Variants in HSD17B12 observed in about 807,000 individuals in gnomAD.
The protein encoded by HSD17B12 is very-long-chain 3-oxoacyl-CoA reductase.
A neutral mutation model predicts 39.3 loss-of-function variants in HSD17B12; 32 were observed. The ratio of observed to expected loss-of-function variants is 0.81; its 90% CI spans 0.61 to 1.09. The LOEUF is 1.09. HSD17B12 is among the 50% of genes least tolerant of loss of function. HSD17B12 has a pLI of 0.00. For synonymous variants in HSD17B12, 150 were observed against 146.7 expected, an observed-to-expected ratio of 1.02 and a Z score of -0.16; for missense variants, 342 against 382.9, an observed-to-expected ratio of 0.89 and a Z score of 0.89.
rs137952223 is a variant in HSD17B12 at position 43,687,925 on chromosome 11, C to T, written c.160+6938C>T. ...GTTAAAATTGCCTTTTTTAAAATGT[C>T]AATTGGCTGGGCGCAGTGGCTCATG... On this transcript the variant is annotated intron_variant, in intron 1 of 10. Transcript: ENST00000278353. Among the ~76,000 whole-genome samples, 80 of 152,202 alleles carry T rather than the reference C, an allele frequency of 5.3e-4. No individual in the cohort carries two copies. In the East Asian group the frequency reaches 0.014, roughly 27 times the overall value.
intron 1 of HSD17B12, chr11:43,733,819 G>C: frequency 1.4e-6 from 1 of 706,224 alleles, no homozygotes; most frequent in Admixed American, 1.8e-5. Context: ...CGTTGCAGGA[G>C]GTGTGGTAAA....
chr11:43,673,659 T>TTTTGTTTG, the HSD17B12 span, among the ~76,000 whole-genome samples: 13 of 148,962 alleles, frequency 8.7e-5, no homozygotes, highest in African/African-American at 2.2e-4. Context: ...GCCCAGCTAG[T>TTTTGTTTG]TTTGTTTGTT....
chr11:43,701,138 T>C (rs1949960037), intron 1 of HSD17B12, among the ~76,000 whole-genome samples: 1 of 152,250 alleles, frequency 6.6e-6, no homozygotes, highest in Non-Finnish European at 1.5e-5. Context: ...ATGTCTTCTT[T>C]TGAGAAATGT....
chr11:43,827,253 G>A (rs543070585), intron 6 of HSD17B12, among the ~76,000 whole-genome samples: 1 of 152,240 alleles, frequency 6.6e-6, no homozygotes, highest in South Asian at 2.1e-4. Context: ...GAATTTTAAT[G>A]TAATCTTTTA....
the HSD17B12 span, among the ~76,000 whole-genome samples, chr11:43,558,924 A>G: frequency 3.3e-5 from 5 of 152,128 alleles, no homozygotes; most frequent in Non-Finnish European, 7.4e-5. Flanking sequence ...AGACATAGAA[A>G]TGGGAAGTGA....
chr11:43,778,280 AC>A (rs1197042814), intron 3 of HSD17B12, among the ~76,000 whole-genome samples: 1 of 152,230 alleles, frequency 6.6e-6, no homozygotes, highest in Admixed American at 6.5e-5. Flanking sequence ...CCAAGACTAA[AC>A]CAGGAAGAAG....
intron 9 of HSD17B12, among the ~76,000 whole-genome samples, chr11:43,845,697 A>G (rs1951469089): frequency 6.6e-6 from 1 of 152,184 alleles, no homozygotes; most frequent in Non-Finnish European, 1.5e-5. Flanking sequence ...GGGGAGACAC[A>G]GAAGATCCAT....
the HSD17B12 span, among the ~76,000 whole-genome samples, chr11:43,559,986 G>T: frequency 1.3e-5 from 2 of 152,236 alleles, no homozygotes; most frequent in Non-Finnish European, 2.9e-5. Context: ...TAATGCCTTT[G>T]TCTTTCTTCC....
At chr11:43,734,072 C>T in intron 1 of HSD17B12, 1 of 967,008 alleles carries the variant, frequency 1.0e-6, no homozygotes, top group South Asian at 1.3e-5. Context: ...TTCCTCATAT[C>T]TTCACCAGCA....
intron 3 of HSD17B12, among the ~76,000 whole-genome samples, chr11:43,769,166 C>CT (rs2134982650): frequency 6.6e-6 from 1 of 152,326 alleles, no homozygotes; most frequent in African/African-American, 2.4e-5. Context: ...CCTTGAACTC[C>CT]TGACCTCAAG....
the HSD17B12 span, among the ~76,000 whole-genome samples, chr11:43,573,971 C>T: frequency 1.3e-5 from 2 of 152,210 alleles, no homozygotes; most frequent in African/African-American, 4.8e-5. Context: ...AGGGCCGCCT[C>T]CCTCTCATTG....
the HSD17B12 span, among the ~76,000 whole-genome samples, chr11:43,562,421 C>A: frequency 6.6e-6 from 1 of 152,242 alleles, no homozygotes. Flanking sequence ...TATTTAAACT[C>A]TCTAAGCCTC....
At chr11:43,623,388 T>G in the HSD17B12 span, among the ~76,000 whole-genome samples, 3 of 101,726 alleles carry the variant, frequency 2.9e-5, no homozygotes, top group Non-Finnish European at 5.2e-5. Flanking sequence ...TAAAGGTTTG[T>G]TTTTTTTGTT....
intron 1 of HSD17B12, among the ~76,000 whole-genome samples, chr11:43,701,924 T>G (rs1002892272): frequency 9.9e-5 from 15 of 152,218 alleles, no homozygotes; most frequent in Non-Finnish European, 2.1e-4. Flanking sequence ...TTGGGTAGTA[T>G]GGACATTTTA....
chr11:43,815,644 G>A (rs1951115456), intron 5 of HSD17B12, 143 bp downstream of exon 5: 5 of 485,280 alleles, frequency 1.0e-5, no homozygotes, highest in Middle Eastern at 2.9e-4. Context: ...CCTGGGTATG[G>A]GCCTAGCCAT....
intron 3 of HSD17B12, among the ~76,000 whole-genome samples, chr11:43,761,345 C>G (rs1950553433): frequency 6.6e-6 from 1 of 152,148 alleles, no homozygotes; most frequent in Non-Finnish European, 1.5e-5. Context: ...AATATTTGGC[C>G]ATTGCTTTGA....
chr11:43,646,479 AC>A, the HSD17B12 span: 1 of 152,324 alleles, frequency 6.6e-6, no homozygotes, highest in Non-Finnish European at 1.5e-5. Flanking sequence ...GGATGGCTAG[AC>A]TTTGTAGATG....
chr11:43,743,361 C>T (rs2134920973), intron 1 of HSD17B12, among the ~76,000 whole-genome samples: 1 of 152,284 alleles, frequency 6.6e-6, no homozygotes, highest in South Asian at 2.1e-4. Flanking sequence ...TCCCTCATCC[C>T]CAGTCACAGC....
intron 9 of HSD17B12, among the ~76,000 whole-genome samples, chr11:43,846,476 C>T (rs1951475953): frequency 6.6e-6 from 1 of 152,128 alleles, no homozygotes; most frequent in African/African-American, 2.4e-5. Flanking sequence ...CCAGCCTGGC[C>T]AACATGGCGA....
Sources: gnomAD v4.1 joint callset for allele counts (sites outside exome capture counted in the v4.1 genomes callset) on GRCh38, gnomAD v4.1.1 for gene constraint, MANE v1.5 for transcripts, NCBI Gene and HGNC (gene_info 2026-07-23, HGNC 2026-07-21) for gene names.